IL16: variants seen among roughly 807,000 people sequenced by gnomAD.
The protein encoded by IL16 is interleukin 16, also known as pro-interleukin-16.
A neutral mutation model predicts 110.1 loss-of-function variants in IL16; 67 were observed. That is an observed-to-expected ratio of 0.61 (90% CI 0.50 to 0.75). IL16 has a LOEUF of 0.75. Ranked by LOEUF, IL16 falls within the 30% of genes least tolerant of loss-of-function variation. The pLI is 0.00. For missense variants in IL16, 1,545 were observed against 1,655.0 expected, an observed-to-expected ratio of 0.93 and a Z score of 1.15; for synonymous variants, 689 against 662.9, an observed-to-expected ratio of 1.04 and a Z score of -0.61.
At chr15:81,275,271 G>C (rs79263653) in intron 6 of IL16, among the ~76,000 whole-genome samples, 5,627 of 149,454 alleles carry the variant, frequency 0.038, 352 homozygotes, top group African/African-American at 0.13. Context: ...TTCTCTCTCC[G>C]TTCAGGGAGT....
chr15:81,201,549 T>C (rs1236698210), intron 1 of IL16, among the ~76,000 whole-genome samples: 1 of 152,250 alleles, frequency 6.6e-6, no homozygotes, highest in Non-Finnish European at 1.5e-5. Flanking sequence ...TTTCTTCCAG[T>C]AGGCAGATCA....
intron 2 of IL16, among the ~76,000 whole-genome samples, chr15:81,226,968 T>G (rs1896810010): frequency 1.3e-5 from 2 of 152,250 alleles, no homozygotes; most frequent in Admixed American, 1.3e-4. Flanking sequence ...ATTCACATGC[T>G]TCCTCTTAAT....
intron 16 of IL16, 52 bp from the exon 17 acceptor site, chr15:81,305,856 T>C: frequency 6.3e-7 from 1 of 1,591,710 alleles, no homozygotes; most frequent in Non-Finnish European, 8.6e-7. Context: ...CCAGCAAGTA[T>C]GTGGACTGGA....
rs983517933 is a variant in IL16, at chr15:81,278,373, T to C, written c.791-444T>C. ...CTAAAGGTAGCAGGGGCCTAAAGAT[T>C]AAGAAGGGATAGGAGGAGAAAGTGG... On this transcript the variant is annotated intron_variant, in intron 6 of 18. Transcript: ENST00000683961. Among the ~76,000 whole-genome samples, 6 of 152,054 alleles carry C rather than the reference T, an allele frequency of 3.9e-5. No individual in the cohort carries two copies. In the South Asian group the frequency reaches 1.2e-3, roughly 32 times the overall value.
In IL16 at chr15:81,225,523, C is replaced by A. The variant is rs1477026331; in HGVS notation, c.124C>A (p.Pro42Thr). ...DDGSSPDEKY[P>T]DPFEISLAQG... is the part of the protein sequence containing the mutation. Reference sequence around the variant, plus strand: ...TGGCTCTAGCCCTGATGAGAAATATCCTGATCCCTTTGAGATTTCCTTGGC... The same window carrying A: ...TGGCTCTAGCCCTGATGAGAAATATACTGATCCCTTTGAGATTTCCTTGGC... The change falls in exon 2 of 19, where the codon CCT (proline) becomes ACT (threonine). Residue 42 changes from proline to threonine, a missense_variant. Physicochemically the swap from Pro to Thr is conservative, Grantham distance 38. Around this residue, in one of 3 missense-constraint regions of IL16, gnomAD observed 1,185 missense variants for 1,238.8 expected, o/e 0.96. Coordinates refer to ENST00000683961, the MANE Select transcript of IL16 (RefSeq NM_172217.5). 1.9e-6 allele frequency: 3 copies of A among 1,613,986 alleles called. No individual in the cohort carries two copies. The highest frequency in any genetic ancestry group is 2.5e-6 in the Non-Finnish European group (3 of 1,180,020).
At chr15:81,280,487 C>T (rs147381071) in intron 8 of IL16, among the ~76,000 whole-genome samples, 8 of 152,266 alleles carry the variant, frequency 5.3e-5, no homozygotes, top group African/African-American at 1.7e-4. Context: ...TCTAAGCAGG[C>T]GAGTGACACA....
rs1168287263 is a variant in IL16, at chr15:81,265,278, TTG to T, written c.422-377_422-376del. On this transcript the variant is annotated intron_variant, in intron 3 of 18. Coordinates refer to ENST00000683961, the MANE Select transcript of IL16 (RefSeq NM_172217.5). ...TGTTTGTGCTTGTCCTCGGAAACCT[TTG>T]TGTTTTCCTCCTTTCTCTCCTTGGT... is the stretch of plus-strand genomic sequence containing the variant. 2.6e-5 allele frequency among the ~76,000 whole-genome samples: 4 copies of T among 152,180 alleles called. No individual in the cohort carries two copies. In the East Asian group the frequency reaches 5.8e-4, roughly 22 times the overall value.
rs373504063 is a variant in IL16 at position 81,299,417 on chromosome 15, G to C, written c.2091G>C (p.Lys697Asn). 3.6e-5 allele frequency: 58 copies of C among 1,613,926 alleles called. No homozygotes were observed. Among genetic ancestry groups the C allele is most frequent in the Non-Finnish European group, 4.2e-5 (49 of 1,180,048 alleles). Residue 697 changes from lysine to asparagine, a missense_variant, in exon 14 of 19, where the codon AAG (lysine) becomes AAC (asparagine). Physicochemically the swap from Lys to Asn is moderately conservative, Grantham distance 94. Coordinates refer to ENST00000683961, the MANE Select transcript of IL16 (RefSeq NM_172217.5). ...QTSPIKHPLLKRQARMDYSFD... is the reference protein window; with the variant it reads ...QTSPIKHPLLNRQARMDYSFD... ...CCCCGATAAAACACCCACTGCTTAA[G>C]AGGCAGGCTCGGATGGACTATAGCT...
chr15:81,221,762 C>G (rs557599346), intron 1 of IL16, among the ~76,000 whole-genome samples: 2 of 152,308 alleles, frequency 1.3e-5, no homozygotes, highest in East Asian at 3.9e-4. Context: ...GCCTTGCCCC[C>G]TGGTTCATTG....
rs924018168 is a variant in IL16, at chr15:81,290,362, C to A, written c.1333-91C>A. 3.1e-5 allele frequency: 23 copies of A among 751,634 alleles called. No individual in the cohort carries two copies. In the African/African-American group the frequency reaches 3.8e-4, roughly 12 times the overall value. The allele number at this position is 751,634 out of a possible 1,614,324, so 46.6% of individuals were successfully genotyped here. ...GGGTTGAAATAAAATAATTTAGAAT[C>A]CAGTGGCCCAGCTTTGGAGCTGGTA... On this transcript the variant is annotated intron_variant, in intron 10 of 18. Coordinates refer to ENST00000683961, the MANE Select transcript of IL16 (RefSeq NM_172217.5).
upstream of IL16, among the ~76,000 whole-genome samples, chr15:81,193,833 TTCTG>T (rs1194796695): frequency 6.6e-6 from 1 of 152,170 alleles, no homozygotes; most frequent in African/African-American, 2.4e-5. Context: ...GGCCTCAACA[TTCTG>T]TCTAAGTTGA....
chr15:81,278,774 T>C (rs1899029331), intron 6 of IL16, 43 bp from the exon 7 acceptor site: 1 of 1,326,502 alleles, frequency 7.5e-7, no homozygotes, highest in South Asian at 1.2e-5. Context: ...TGCCCTTTGA[T>C]TGGGCAACAC....
At chr15:81,247,657 A>G (rs150150964) in intron 2 of IL16, among the ~76,000 whole-genome samples, 153 of 151,970 alleles carry the variant, frequency 1.0e-3, no homozygotes, top group African/African-American at 3.7e-3. Context: ...GTGTGTGTGT[A>G]GTTCTATGCT....
chr15:81,230,474 C>T (rs1360014068), intron 2 of IL16, among the ~76,000 whole-genome samples: 1 of 152,146 alleles, frequency 6.6e-6, no homozygotes. Context: ...TATGAGCTGT[C>T]CTCTGGAGAT....
chr15:81,296,063 T>C (rs997888614), intron 12 of IL16, among the ~76,000 whole-genome samples: 7 of 152,144 alleles, frequency 4.6e-5, no homozygotes, highest in African/African-American at 1.7e-4. Context: ...CAGATGGGTA[T>C]TATGTTTGGT....
intron 1 of IL16, among the ~76,000 whole-genome samples, chr15:81,201,167 G>C (rs1304033937): frequency 6.6e-6 from 1 of 152,050 alleles, no homozygotes; most frequent in Non-Finnish European, 1.5e-5. Flanking sequence ...GTGTGTGTGT[G>C]TGTGTATGTG....
chr15:81,303,697 C>A lies in IL16; in HGVS notation c.3420+47C>A. 1 of 1,283,594 alleles carries A rather than the reference C, an allele frequency of 7.8e-7. No homozygotes were observed. The highest frequency in any genetic ancestry group is 2.3e-5 in the East Asian group (1 of 43,382). 79.5% of individuals were successfully genotyped at this position (1,283,594 alleles called of 1,614,324 possible). On this transcript the variant is annotated intron_variant, in intron 16 of 18. Coordinates refer to ENST00000683961, the MANE Select transcript of IL16 (RefSeq NM_172217.5). The surrounding 1 kb of genome is among the most constrained non-coding windows in gnomAD (Gnocchi z 4.1). ...CATGTCACAGCCAGAGGCAATGGTT[C>A]TGGGGGAGGGGGACACACTTGCCAG... is the stretch of plus-strand genomic sequence containing the variant.
intron 12 of IL16, among the ~76,000 whole-genome samples, chr15:81,294,573 T>C (rs1899894565): frequency 6.6e-6 from 1 of 152,174 alleles, no homozygotes; most frequent in East Asian, 1.9e-4. Flanking sequence ...TTTCATGCCC[T>C]GTGTGCCTCA....
intron 5 of IL16, among the ~76,000 whole-genome samples, chr15:81,270,886 A>T (rs1054351110): frequency 4.6e-5 from 7 of 152,222 alleles, no homozygotes; most frequent in Non-Finnish European, 1.0e-4. Flanking sequence ...ATGAGTTCAG[A>T]AATAAAGCAG....
Sources: allele counts gnomAD v4.1 joint callset (sites outside exome capture counted in the v4.1 genomes callset), GRCh38; gene constraint gnomAD v4.1.1; regional missense constraint gnomAD v4.1.1; non-coding constraint Gnocchi (gnomAD v3.1); transcripts MANE v1.5; gene names NCBI Gene and HGNC (gene_info 2026-07-23, HGNC 2026-07-21).